KIF14: variants seen among roughly 807,000 people sequenced by gnomAD.
The protein encoded by KIF14 is kinesin-like protein KIF14.
Under a neutral mutation model 176.2 loss-of-function variants are expected in KIF14, and 98 were observed. That is an observed-to-expected ratio of 0.56 (90% confidence interval 0.47 to 0.66). The LOEUF (loss-of-function observed/expected upper bound fraction) is 0.66. KIF14 is among the 30% of genes least tolerant of loss of function. The pLI is 0.00. For missense variants in KIF14, 1,751 were observed against 1,920.4 expected (o/e 0.91, Z 1.65); for synonymous variants, 566 against 632.2 (o/e 0.90, Z 1.57).
At chr1:200,572,073 A>T (rs150415719) in intron 22 of KIF14, among the ~76,000 whole-genome samples, 2 of 152,304 alleles carry the variant, frequency 1.3e-5, no homozygotes, top group East Asian at 3.9e-4. Flanking sequence ...GCATTCTCAG[A>T]GTTTGGAATT....
intron 25 of KIF14, 112 bp downstream of exon 25, chr1:200,564,957 A>G (rs1485857233): frequency 2.6e-6 from 2 of 776,778 alleles, no homozygotes; most frequent in African/African-American, 3.5e-5. Flanking sequence ...TCAAAACAGA[A>G]TGTACTTTTG....
chr1:200,616,143 G>C (rs1180379376), intron 2 of KIF14, among the ~76,000 whole-genome samples: 3 of 151,882 alleles, frequency 2.0e-5, no homozygotes, highest in Non-Finnish European at 4.4e-5. Context: ...TTCCCTTTGA[G>C]ACTTAGGTGG....
In KIF14 at chr1:200,566,723, G is replaced by A. The variant is rs964099469; in HGVS notation, c.3662-1054C>T. On this transcript the variant is annotated intron_variant, in intron 23 of 29. Coordinates refer to ENST00000367350, the MANE Select transcript of KIF14 (RefSeq NM_014875.3). ...GCTCAAGCAATCCCTTGGCCTCAGCGTCCACAGTAGGTGGGACAACAAGCA... is the reference window on the plus strand; with the variant it reads ...GCTCAAGCAATCCCTTGGCCTCAGCATCCACAGTAGGTGGGACAACAAGCA... Among the ~76,000 whole-genome samples the A allele has an allele frequency of 3.9e-5, 6 of 152,088 alleles. No homozygotes were observed. In the East Asian group the frequency reaches 5.9e-4, roughly 15 times the overall value.
At chr1:200,560,988 T>C (rs1388229624) in intron 25 of KIF14, 108 bp from the exon 26 acceptor site, 9 of 996,310 alleles carry the variant, frequency 9.0e-6, no homozygotes, top group South Asian at 2.9e-5. Context: ...TCCAGCAGTT[T>C]GGGAGGCCGA....
At chr1:200,566,665 G>A (rs547481141) in intron 23 of KIF14, among the ~76,000 whole-genome samples, 70 of 151,558 alleles carry the variant, frequency 4.6e-4, no homozygotes, top group African/African-American at 1.7e-3. Flanking sequence ...ACTCACAAGC[G>A]TGATCATAGC....
At chr1:200,596,986 C>A (rs1558077500) in intron 14 of KIF14, among the ~76,000 whole-genome samples, 3 of 149,776 alleles carry the variant, frequency 2.0e-5, no homozygotes, top group Non-Finnish European at 3.0e-5. Flanking sequence ...GCAACATCCA[C>A]CTCCTAGGTT....
chr1:200,589,671 CTTTTTTT>C (rs1204882989), intron 17 of KIF14, among the ~76,000 whole-genome samples: 19 of 76,560 alleles, frequency 2.5e-4, no homozygotes, highest in East Asian at 1.2e-3. Flanking sequence ...CAACTTTTTT[CTTTTTTT>C]TTTTTTTTTT....
intron 11 of KIF14, among the ~76,000 whole-genome samples, chr1:200,600,946 G>A (rs994799697): frequency 3.3e-5 from 5 of 151,110 alleles, no homozygotes; most frequent in South Asian, 2.1e-4. Flanking sequence ...GCAGTGGTAC[G>A]ATCTCGGCTC....
rs148273739 is a variant in KIF14, at chr1:200,563,593, T to A, written c.4071+1476A>T. The stretch of plus-strand genomic sequence containing the variant: ...TAACAAGTTGGATATTTGTTATTAT[T>A]CACTATGTTGCCCAGGCTGGTCTCA... On this transcript the variant is annotated intron_variant, in intron 25 of 29. Coordinates refer to ENST00000367350, the MANE Select transcript of KIF14 (RefSeq NM_014875.3). 2.4e-4 allele frequency among the ~76,000 whole-genome samples: 36 copies of A among 152,274 alleles called. No individual in the cohort carries two copies. In the East Asian group the frequency reaches 6.9e-3, roughly 29 times the overall value.
At chr1:200,554,305 C>A (rs920689973) in intron 29 of KIF14, among the ~76,000 whole-genome samples, 163 bp downstream of exon 29, 7 of 152,028 alleles carry the variant, frequency 4.6e-5, no homozygotes, top group African/African-American at 1.4e-4. Context: ...GCAGGAGAAT[C>A]GCTTGAACCC....
At chr1:200,577,982 TTGA>T in intron 21 of KIF14, among the ~76,000 whole-genome samples, 1 of 151,992 alleles carries the variant, frequency 6.6e-6, no homozygotes, top group South Asian at 2.1e-4. Context: ...GGCCAGTTTG[TTGA>T]TGAACGTTTC....
intron 26 of KIF14, 93 bp from the exon 27 acceptor site, chr1:200,559,545 G>A: frequency 1.5e-6 from 1 of 661,234 alleles, no homozygotes; most frequent in Non-Finnish European, 2.2e-6. Context: ...AAATTATCAA[G>A]TAATTAAGTT....
Position 200,600,343 on chromosome 1 carries a change from G to T in KIF14, c.2300+13C>A. 6.2e-7 allele frequency: 1 copy of T among 1,610,938 alleles called. No homozygotes were observed. Among genetic ancestry groups the T allele is most frequent in the South Asian group, 1.1e-5 (1 of 90,988 alleles). On this transcript the variant is annotated intron_variant, in intron 12 of 29. Transcript: ENST00000367350. ...CAACACACTTAACATTTAGAGTACT[G>T]ACTGTACTCTACCTTTGCATTTCTG...
At chr1:200,594,761 T>C (rs1659244263) in intron 14 of KIF14, among the ~76,000 whole-genome samples, 2 of 152,248 alleles carry the variant, frequency 1.3e-5, no homozygotes, top group East Asian at 3.8e-4. Flanking sequence ...AAAGATCTTT[T>C]TAGCTGTGGA....
chr1:200,567,003 C>T (rs1657491837), intron 23 of KIF14, among the ~76,000 whole-genome samples: 1 of 151,440 alleles, frequency 6.6e-6, no homozygotes. Flanking sequence ...GGTGAAACCC[C>T]GTCTCTACTA....
intron 4 of KIF14, among the ~76,000 whole-genome samples, chr1:200,609,389 C>A (rs1336189409): frequency 6.6e-6 from 1 of 152,180 alleles, no homozygotes; most frequent in Non-Finnish European, 1.5e-5. Context: ...TGGCTCACAC[C>A]TGTAATCCCA....
intron 5 of KIF14, among the ~76,000 whole-genome samples, 172 bp from the exon 6 acceptor site, chr1:200,606,970 A>G (rs928225692): frequency 6.6e-6 from 1 of 151,792 alleles, no homozygotes; most frequent in African/African-American, 2.4e-5. Flanking sequence ...AGGCATTAGG[A>G]AACAGCTTCA....
chr1:200,556,016 T>C (rs1656813490), intron 27 of KIF14, among the ~76,000 whole-genome samples: 1 of 152,224 alleles, frequency 6.6e-6, no homozygotes, highest in Non-Finnish European at 1.5e-5. Flanking sequence ...TACTATACTC[T>C]AAAAACTTTA....
chr1:200,606,399 T>C (rs113917706), intron 6 of KIF14, among the ~76,000 whole-genome samples: 2 of 152,252 alleles, frequency 1.3e-5, no homozygotes, highest in African/African-American at 4.8e-5. Context: ...CTTAGAGTCA[T>C]AGGTATAAAA....
Sources: allele counts gnomAD v4.1 joint callset (sites outside exome capture counted in the v4.1 genomes callset), GRCh38; gene constraint gnomAD v4.1.1; transcripts MANE v1.5; gene names NCBI Gene and HGNC (gene_info 2026-07-23, HGNC 2026-07-21).